OR51B5: variants seen among roughly 807,000 people sequenced by gnomAD.
OR51B5 encodes olfactory receptor 51B5.
For missense variants in OR51B5, 456 were observed against 374.6 expected, an observed-to-expected ratio of 1.22 and a Z score of -1.79; for synonymous variants, 186 against 144.8, an observed-to-expected ratio of 1.28 and a Z score of -2.04.
rs758206996 is a variant in OR51B5 at position 5,342,665 on chromosome 11, G to A, written c.860C>T (p.Pro287Leu). 1.9e-6 allele frequency: 3 copies of A among 1,613,828 alleles called. No homozygotes were observed. In the South Asian group the frequency reaches 3.3e-5, roughly 18 times the overall value. The change falls in exon 1 of 1, where the codon CCT becomes CTT. Residue 287 changes from proline (P) to leucine (L), a missense_variant. Pro to Leu is a moderately conservative substitution (Grantham distance 98, BLOSUM62 -3). Coordinates refer to ENST00000300773, the Ensembl canonical transcript of OR51B5. ...CTTGGTCTTGACACTATATGTTATAGGATTCATTAGTGGAGGGAACAGAAA... is the reference window on the plus strand; with the variant it reads ...CTTGGTCTTGACACTATATGTTATAAGATTCATTAGTGGAGGGAACAGAAA...
intron 1 of OR51B5, among the ~76,000 whole-genome samples, chr11:5,415,956 G>T (rs1372792880): frequency 4.9e-4 from 71 of 144,506 alleles, no homozygotes; most frequent in African/African-American, 1.6e-3. Context: ...TACCAAAGCC[G>T]GGCAGAGACA....
intron 1 of OR51B5, among the ~76,000 whole-genome samples, chr11:5,386,959 A>G (rs185132180): frequency 6.6e-6 from 1 of 152,232 alleles, no homozygotes; most frequent in Non-Finnish European, 1.5e-5. Flanking sequence ...AGACGTGTTG[A>G]GTTTCATCAG....
intron 1 of OR51B5, among the ~76,000 whole-genome samples, chr11:5,438,380 A>C (rs1220779962): frequency 6.6e-6 from 1 of 150,932 alleles, no homozygotes; most frequent in Non-Finnish European, 1.5e-5. Flanking sequence ...TCCAGTCTCA[A>C]AAGTGCAACT....
At chr11:5,402,605 T>G in intron 1 of OR51B5, 1 of 469,460 alleles carries the variant, frequency 2.1e-6, no homozygotes, top group South Asian at 1.6e-5. Context: ...ACATGAAAAT[T>G]TCTAATAACT....
chr11:5,401,315 C>T lies in OR51B5; in HGVS notation n.85-54405G>A, dbSNP rs548294423. ...TGAGTCAACAGATTGTGGATGTGAT[C>T]GTTGACAGAATATTTTCATGAACCT... On this transcript the variant is annotated intron_variant and non_coding_transcript_variant, in intron 1 of 4. Transcript: ENST00000415970. 3.9e-5 allele frequency among the ~76,000 whole-genome samples: 6 copies of T among 152,308 alleles called. No individual in the cohort carries two copies. In the South Asian group the frequency reaches 8.3e-4, roughly 21 times the overall value.
intron 1 of OR51B5, among the ~76,000 whole-genome samples, chr11:5,429,198 C>T (rs944889397): frequency 1.3e-5 from 2 of 150,710 alleles, no homozygotes; most frequent in African/African-American, 4.9e-5. Context: ...CCCTGCCCAC[C>T]AAACTACCCT....
chr11:5,464,956 C>G (rs530184612), intron 1 of OR51B5, among the ~76,000 whole-genome samples: 1 of 152,226 alleles, frequency 6.6e-6, no homozygotes, highest in African/African-American at 2.4e-5. Flanking sequence ...CCTGTAATCC[C>G]AGCACTTTGG....
rs532514396 is a variant in OR51B5, at chr11:5,418,407, A to G, written n.85-71497T>C. 1.5e-4 allele frequency among the ~76,000 whole-genome samples: 19 copies of G among 124,928 alleles called. No homozygotes were observed. The South Asian group carries it at 2.6e-3, about 17-fold the overall frequency. The allele number at this position is 124,928 out of a possible 152,430, so 82.0% of individuals were successfully genotyped here. A position where few individuals can be genotyped will look rare whatever the true frequency, so the allele number is the denominator to read the frequency against. On this transcript the variant is annotated intron_variant and non_coding_transcript_variant, in intron 1 of 4. Coordinates refer to the OR51B5 transcript ENST00000415970. ...GTACCCTAAAACTTAAAGTATAATA[A>G]TAATAAAAACAAAACAAAACAAAAC...
In OR51B5 at chr11:5,390,160, C is replaced by T. The variant is rs560222497; in HGVS notation, n.85-43250G>A. ...AGCGCCGTGCCTTTCAGACATGCAC[C>T]GCTCCTCTCTGTGCTGTGCTAGTAT... On this transcript the variant is annotated intron_variant and non_coding_transcript_variant, in intron 1 of 4. Coordinates refer to the OR51B5 transcript ENST00000415970. The T allele has an allele frequency of 4.8e-5, 77 of 1,613,698 alleles. No individual in the cohort carries two copies. The East Asian group carries it at 1.1e-3, about 23-fold the overall frequency.
In OR51B5 at chr11:5,352,867, ATCTG is replaced by A. The variant is rs912736046; in HGVS notation, n.85-5961_85-5958del. ...TTAATATATAATAGTGTGTGTATGT[ATCTG>A]TGTGTGTTTATATATATTATATAAA... On this transcript the variant is annotated intron_variant and non_coding_transcript_variant, in intron 1 of 4. Coordinates refer to the OR51B5 transcript ENST00000415970. Among the ~76,000 whole-genome samples, 102 of 143,248 alleles carry A rather than the reference ATCTG, an allele frequency of 7.1e-4. 1 individual carries two copies. The highest frequency in any genetic ancestry group is 3.6e-3 in the Middle Eastern group (1 of 274). The allele number at this position is 143,248 out of a possible 152,430, so 94.0% of individuals were successfully genotyped here.
intron 1 of OR51B5, among the ~76,000 whole-genome samples, chr11:5,385,714 A>ATAAG (rs150579480): frequency 0.031 from 4,696 of 150,580 alleles, 224 homozygotes; most frequent in African/African-American, 0.1. Context: ...CAAAGTATAT[A>ATAAG]TATGTGTACA....
intron 1 of OR51B5, among the ~76,000 whole-genome samples, chr11:5,466,685 G>A (rs757497851): frequency 1.2e-4 from 19 of 152,210 alleles, no homozygotes; most frequent in Admixed American, 6.5e-5. Flanking sequence ...TTTCTGGGAT[G>A]ACTTGTGGGA....
At chr11:5,342,419 G>T, downstream of OR51B5, 1 of 354,992 alleles carries the variant, frequency 2.8e-6, no homozygotes, top group South Asian at 1.1e-4. Flanking sequence ...ACTACATTTA[G>T]CTAAAGAGTT....
upstream of OR51B5, among the ~76,000 whole-genome samples, chr11:5,344,750 A>C (rs1848963825): frequency 6.6e-6 from 1 of 152,234 alleles, no homozygotes; most frequent in African/African-American, 2.4e-5. Context: ...TCTGGAATTA[A>C]ATGGTAATAA....
At chr11:5,417,954 C>T (rs1850267777) in intron 1 of OR51B5, among the ~76,000 whole-genome samples, 1 of 147,060 alleles carries the variant, frequency 6.8e-6, no homozygotes, top group African/African-American at 2.5e-5. Flanking sequence ...TATAAAGACA[C>T]ATGCACACGT....
At chr11:5,356,578 C>A (rs1306329854) in intron 1 of OR51B5, among the ~76,000 whole-genome samples, 2 of 142,104 alleles carry the variant, frequency 1.4e-5, no homozygotes, top group South Asian at 2.3e-4. Flanking sequence ...GAGAACTTCC[C>A]CAATCTAGCA....
At chr11:5,478,977 C>A (rs1291782265) in intron 1 of OR51B5, among the ~76,000 whole-genome samples, 1 of 151,930 alleles carries the variant, frequency 6.6e-6, no homozygotes, top group East Asian at 1.9e-4. Context: ...TCTAGCAAGG[C>A]AGGTCAACGT....
intron 1 of OR51B5, chr11:5,403,523 A>G (rs551650394): frequency 8.5e-6 from 4 of 471,470 alleles, no homozygotes; most frequent in South Asian, 4.6e-5. Context: ...TCCGAATGCT[A>G]TTAGAGAAAA....
At chr11:5,385,801 TAAAAAA>T (rs1849682360) in intron 1 of OR51B5, among the ~76,000 whole-genome samples, 1 of 142,186 alleles carries the variant, frequency 7.0e-6, no homozygotes, top group South Asian at 2.2e-4. Context: ...TACTTATATA[TAAAAAA>T]TCTATAAAGT....
Sources: gnomAD v4.1 joint callset for allele counts (sites outside exome capture counted in the v4.1 genomes callset) on GRCh38, gnomAD v4.1.1 for gene constraint, MANE v1.5 for transcripts, NCBI Gene and HGNC (gene_info 2026-07-23, HGNC 2026-07-21) for gene names.